Variants in GPC6 observed in about 807,000 individuals in gnomAD.
GPC6 encodes the protein glypican 6.
GPC6 carries 14 observed loss-of-function variants against 55.2 expected under a neutral mutation model. That is an observed-to-expected ratio of 0.25 (90% CI 0.17 to 0.40). The LOEUF (loss-of-function observed/expected upper bound fraction) is 0.40. Among genes scored for constraint, GPC6 ranks in the 10% least tolerant of loss-of-function variants. The pLI, the probability that GPC6 is intolerant of heterozygous loss-of-function variation, is 1.00. For synonymous variants in GPC6, 278 were observed against 259.6 expected, an observed-to-expected ratio of 1.07 and a Z score of -0.68; for missense variants, 641 against 708.5, an observed-to-expected ratio of 0.90 and a Z score of 1.08.
At position 93,439,662 on chromosome 13, in the gene GPC6, CAAATAAAATA is replaced by C. The variant is rs778944158; in HGVS notation, c.161-105583_161-105574del. Among the ~76,000 whole-genome samples, 11 of 145,556 alleles carry C rather than the reference CAAATAAAATA, an allele frequency of 7.6e-5. 1 individual carries two copies. The highest frequency in any genetic ancestry group is 2.1e-4 in the South Asian group (1 of 4,652). ...GGGCGACAAAAGTGAAACTACATCT[CAAATAAAATA>C]AAATAAAATAAAATAAATAAAAAAA... On this transcript the variant is annotated intron_variant, in intron 1 of 8. Coordinates refer to ENST00000377047, the MANE Select transcript of GPC6 (RefSeq NM_005708.5).
intron 1 of GPC6, among the ~76,000 whole-genome samples, chr13:93,530,522 A>G (rs1005507059): frequency 6.6e-6 from 1 of 152,114 alleles, no homozygotes; most frequent in Admixed American, 6.6e-5. Flanking sequence ...TTGGGACTCA[A>G]TTAAGTGAAA....
chr13:93,845,505 A>G (rs1046911098), intron 3 of GPC6, among the ~76,000 whole-genome samples: 2 of 139,842 alleles, frequency 1.4e-5, no homozygotes, highest in East Asian at 4.5e-4. Flanking sequence ...AGGACTATAA[A>G]TCATGCTGCT....
At chr13:93,385,144 A>G (rs1050494903) in intron 1 of GPC6, among the ~76,000 whole-genome samples, 4 of 152,252 alleles carry the variant, frequency 2.6e-5, no homozygotes, top group African/African-American at 9.6e-5. Context: ...GAAACCATGA[A>G]GAGGGAATTG....
At chr13:93,371,827 AAG>A (rs1874668440) in intron 1 of GPC6, among the ~76,000 whole-genome samples, 1 of 152,144 alleles carries the variant, frequency 6.6e-6, no homozygotes, top group Admixed American at 6.6e-5. Flanking sequence ...TAGGCAAAAA[AAG>A]ACTCTTAGGA....
chr13:94,389,027 T>C (rs1332625560), intron 7 of GPC6, among the ~76,000 whole-genome samples: 1 of 152,202 alleles, frequency 6.6e-6, no homozygotes, highest in Non-Finnish European at 1.5e-5. Flanking sequence ...TCGTCTTCAG[T>C]GACCAGCAGG....
intron 4 of GPC6, among the ~76,000 whole-genome samples, chr13:94,233,837 C>G (rs914055613): frequency 2.6e-5 from 4 of 152,066 alleles, no homozygotes; most frequent in African/African-American, 4.8e-5. Flanking sequence ...ATTATACTTT[C>G]TCATAGTTAT....
In GPC6 at chr13:93,513,540, TTATCA is replaced by T. The variant is rs546503375; in HGVS notation, c.161-31721_161-31717del. On this transcript the variant is annotated intron_variant, in intron 1 of 8. Coordinates refer to ENST00000377047, the MANE Select transcript of GPC6 (RefSeq NM_005708.5). ...AATGTTGGTATTCTCAAAGTGAATC[TTATCA>T]TGTTCTTCTGCCTTGTGGTGTTCAT... Among the ~76,000 whole-genome samples, 647 of 152,318 alleles carry T rather than the reference TTATCA, an allele frequency of 4.2e-3. 4 individuals carry two copies. Among genetic ancestry groups the T allele is most frequent in the African/African-American group, 0.015 (617 of 41,576 alleles).
intron 4 of GPC6, among the ~76,000 whole-genome samples, chr13:94,183,312 T>C (rs2138949956): frequency 6.6e-6 from 1 of 152,344 alleles, no homozygotes; most frequent in East Asian, 1.9e-4. Context: ...GCAATATTTG[T>C]CCTTTTGTGT....
intron 1 of GPC6, among the ~76,000 whole-genome samples, chr13:93,244,930 A>AC (rs1268065331): frequency 2.0e-5 from 3 of 151,746 alleles, no homozygotes; most frequent in African/African-American, 7.3e-5. Flanking sequence ...GCCATCTTCA[A>AC]AAAAAAAACT....
At chr13:93,872,130 A>G (rs568903214) in intron 3 of GPC6, among the ~76,000 whole-genome samples, 5 of 152,078 alleles carry the variant, frequency 3.3e-5, no homozygotes, top group African/African-American at 7.2e-5. Context: ...TGAAATATCA[A>G]AAGAGATTAT....
At chr13:93,813,179 GA>G (rs1048728820) in intron 2 of GPC6, among the ~76,000 whole-genome samples, 3 of 152,008 alleles carry the variant, frequency 2.0e-5, no homozygotes, top group African/African-American at 4.8e-5. Context: ...CCAGATAAAT[GA>G]AAAAAATGGA....
At chr13:93,358,291 G>A (rs1880922375) in intron 1 of GPC6, among the ~76,000 whole-genome samples, 1 of 152,140 alleles carries the variant, frequency 6.6e-6, no homozygotes, top group South Asian at 2.1e-4. Flanking sequence ...AGTGAGCTAT[G>A]ACTGCACCAC....
At chr13:93,765,308 T>TTCCAGATAAGCTGTCTAGCAAGACA in intron 2 of GPC6, among the ~76,000 whole-genome samples, 1 of 148,686 alleles carries the variant, frequency 6.7e-6, no homozygotes, top group African/African-American at 2.5e-5. Flanking sequence ...AAAGACAACT[T>TTCCAGATAAGCTGTCTAGCAAGACA]ATTTGGTTTA....
chr13:93,842,497 G>A (rs1887990027), intron 3 of GPC6, among the ~76,000 whole-genome samples: 1 of 152,036 alleles, frequency 6.6e-6, no homozygotes, highest in Admixed American at 6.6e-5. Flanking sequence ...TTCAGTGTTA[G>A]TGTGATAGTA....
In GPC6 at chr13:94,179,750, T is replaced by A. The variant is rs1236594258; in HGVS notation, c.878-106599T>A. Among the ~76,000 whole-genome samples the A allele has an allele frequency of 4.6e-5, 7 of 152,338 alleles. No individual in the cohort carries two copies. The East Asian group carries it at 1.2e-3, about 25-fold the overall frequency. Reference sequence around the variant, plus strand: ...GGAAAATTTTGCTTTTGATTACAACTCTTTCCTGGGAGGTAATACCACTAT... The same window carrying A: ...GGAAAATTTTGCTTTTGATTACAACACTTTCCTGGGAGGTAATACCACTAT... On this transcript the variant is annotated intron_variant, in intron 4 of 8. Transcript: ENST00000377047.
chr13:93,314,712 GGTGTGTGTGTGTGTGT>G (rs370613459), intron 1 of GPC6, among the ~76,000 whole-genome samples: 11 of 147,556 alleles, frequency 7.5e-5, no homozygotes, highest in South Asian at 2.2e-4. Context: ...AACAAGGAGG[GGTGTGTGTGTGTGTGT>G]GTGTGTGTGT....
chr13:93,594,769 T>C (rs1451088043), intron 2 of GPC6, among the ~76,000 whole-genome samples: 2 of 151,876 alleles, frequency 1.3e-5, no homozygotes, highest in Non-Finnish European at 2.9e-5. Context: ...CTGCTTAATA[T>C]GCACATTCTG....
At chr13:93,575,688 C>A (rs1386758230) in intron 2 of GPC6, among the ~76,000 whole-genome samples, 1 of 152,154 alleles carries the variant, frequency 6.6e-6, no homozygotes, top group Admixed American at 6.5e-5. Flanking sequence ...AGCTTCTAGT[C>A]CAAGTACATC....
chr13:93,464,089 C>T (rs911058927), intron 1 of GPC6, among the ~76,000 whole-genome samples: 1 of 152,140 alleles, frequency 6.6e-6, no homozygotes, highest in African/African-American at 2.4e-5. Flanking sequence ...ACAACCGGTA[C>T]ATATCTTAAT....
Sources: gnomAD v4.1 joint callset for allele counts (sites outside exome capture counted in the v4.1 genomes callset) on GRCh38, gnomAD v4.1.1 for gene constraint, MANE v1.5 for transcripts, NCBI Gene and HGNC (gene_info 2026-07-23, HGNC 2026-07-21) for gene names.